The following CYP2U1 variants were observed in gnomAD, a reference collection of about 807,000 sequenced individuals.
CYP2U1 encodes cytochrome P450 2U1.
In CYP2U1, 28 loss-of-function variants were observed where a neutral mutation model predicts 42.8. The observed-to-expected ratio is 0.65, with a 90% CI of 0.48 to 0.90. The LOEUF is 0.90. Among genes scored for constraint, CYP2U1 ranks in the 40% least tolerant of loss-of-function variants. CYP2U1 has a pLI of 0.00. For synonymous variants in CYP2U1, 296 were observed against 278.9 expected, an observed-to-expected ratio of 1.06 and a Z score of -0.61; for missense variants, 642 against 693.8, an observed-to-expected ratio of 0.93 and a Z score of 0.84.
At chr4:107,938,152 C>T (rs1371509226) in intron 1 of CYP2U1, 1 of 152,170 alleles carries the variant, frequency 6.6e-6, no homozygotes, top group Non-Finnish European at 1.5e-5. Context: ...TTTACATAAA[C>T]TCACCTTCTT....
chr4:107,938,381 C>T (rs190585408), intron 1 of CYP2U1: 7 of 152,294 alleles, frequency 4.6e-5, no homozygotes, highest in African/African-American at 1.4e-4. Flanking sequence ...TTGGTATCAC[C>T]GCAGGACACC....
intron 4 of CYP2U1, 26 bp downstream of exon 4, chr4:107,949,543 T>C (rs1314381272): frequency 6.8e-7 from 1 of 1,480,710 alleles, no homozygotes; most frequent in Non-Finnish European, 9.0e-7. Context: ...TTAAACTGCA[T>C]AATTTTTAAA....
chr4:107,952,887 T>C lies in CYP2U1; in HGVS notation c.*2464T>C, dbSNP rs1468090110. ...GAAATATTACTAAGCACTTTCCGTA[T>C]AGATAAATGAAATACAGGCTAATCT... On this transcript the variant is annotated 3_prime_UTR_variant, in exon 5 of 5. Transcript: ENST00000332884. 6.6e-6 allele frequency: 1 copy of C among 152,238 alleles called. No individual in the cohort carries two copies. The allele number at this position is 152,238 out of a possible 1,614,324, so 9.4% of individuals were successfully genotyped here. A position where few individuals can be genotyped will look rare whatever the true frequency, so the allele number is the denominator to read the frequency against.
chr4:107,950,223 T>C, intron 4 of CYP2U1, 22 bp from the exon 5 acceptor site: 1 of 1,579,048 alleles, frequency 6.3e-7, no homozygotes, highest in Non-Finnish European at 8.6e-7. Context: ...AATCCTTCAT[T>C]TTTTTCTGAT....
chr4:107,950,469 T>C lies in CYP2U1; in HGVS notation c.*46T>C, dbSNP rs551591505. ...TGGTAAAAAGATATATAAATACATATCCTTCTAAGCAGATTCTTCCTACTG... is the reference window on the plus strand; with the variant it reads ...TGGTAAAAAGATATATAAATACATACCCTTCTAAGCAGATTCTTCCTACTG... On this transcript the variant is annotated 3_prime_UTR_variant, in exon 5 of 5. Coordinates refer to ENST00000332884, the MANE Select transcript of CYP2U1 (RefSeq NM_183075.3). 1.9e-6 allele frequency: 3 copies of C among 1,545,518 alleles called. No individual in the cohort carries two copies. Among genetic ancestry groups the C allele is most frequent in the Non-Finnish European group, 2.6e-6 (3 of 1,148,678 alleles).
Position 107,950,589 on chromosome 4 carries a change from T to A in CYP2U1, c.*166T>A. ...CACTGGGAGGTTTCATCTTGGAGGA[T>A]TCCTCAGCAGGATACTTCAGCCATT... On this transcript the variant is annotated 3_prime_UTR_variant, in exon 5 of 5. Transcript: ENST00000332884. The A allele has an allele frequency of 1.6e-6, 1 of 615,406 alleles. No homozygotes were observed. Among genetic ancestry groups the A allele is most frequent in the Non-Finnish European group, 2.6e-6 (1 of 387,996 alleles). The allele number at this position is 615,406 out of a possible 1,614,324, so 38.1% of individuals were successfully genotyped here.
In CYP2U1 at chr4:107,934,425, T is replaced by G. The variant is rs568897680; in HGVS notation, c.490+2292T>G. On this transcript the variant is annotated intron_variant, in intron 1 of 4. Transcript: ENST00000332884. ...GTCAGCATCCTCATCCAAGCTACCA[T>G]CATTTATTTATTTTTCTTTTTTTTC... Among the ~76,000 whole-genome samples, 72 of 152,294 alleles carry G rather than the reference T, an allele frequency of 4.7e-4. 1 individual carries two copies. The highest frequency in any genetic ancestry group is 8.4e-4 in the Non-Finnish European group (57 of 68,026).
At position 107,932,001 on chromosome 4, in the gene CYP2U1, T is replaced by A. The variant is rs763896315; in HGVS notation, c.358T>A (p.Phe120Ile). The A allele has an allele frequency of 6.4e-7, 1 of 1,556,014 alleles. No homozygotes were observed. The highest frequency in any genetic ancestry group is 8.7e-7 in the Non-Finnish European group (1 of 1,149,884). The change falls in exon 1 of 5, where the codon TTC becomes ATC. Residue 120 changes from phenylalanine to isoleucine, a missense_variant. Phe to Ile is a conservative substitution (Grantham distance 21). Transcript: ENST00000332884. ...CCGCGTGTACGGCAGCATCTTCAGCTTCTTTATCGGCCACTACCTGGTGGT... is the reference window on the plus strand; with the variant it reads ...CCGCGTGTACGGCAGCATCTTCAGCATCTTTATCGGCCACTACCTGGTGGT... ...LARVYGSIFS[F>I]FIGHYLVVVL...
Position 107,944,839 on chromosome 4 carries a change from C to CATATATATATATATATATATATATAT in CYP2U1, c.491-119_491-118insATATATATATATATATATATATATAT, listed in dbSNP as rs374845038. On this transcript the variant is annotated intron_variant, in intron 1 of 4. Transcript: ENST00000332884. ...TCTTGACTAGTGGTCTTTATATATA[C>CATATATATATATATATATATATATAT]ATATATATATATTTATATGAGGAAT... The CATATATATATATATATATATATATAT allele has an allele frequency of 9.1e-3, 582 of 64,018 alleles. 88 individuals carry two copies. The highest frequency in any genetic ancestry group is 0.065 in the East Asian group (43 of 666). The allele number at this position is 64,018 out of a possible 1,614,324, so 4.0% of individuals were successfully genotyped here. A position where few individuals can be genotyped will look rare whatever the true frequency, so the allele number is the denominator to read the frequency against.
chr4:107,942,274 A>G (rs1733522587), intron 1 of CYP2U1, among the ~76,000 whole-genome samples: 1 of 152,176 alleles, frequency 6.6e-6, no homozygotes, highest in African/African-American at 2.4e-5. Context: ...GTCACCACCT[A>G]TTAGGCTCCT....
chr4:107,945,703 G>A, intron 2 of CYP2U1, 98 bp downstream of exon 2: 1 of 1,429,916 alleles, frequency 7.0e-7, no homozygotes, highest in Non-Finnish European at 9.4e-7. Context: ...ACTGAGCAAT[G>A]TCTTCAGGCT....
chr4:107,934,366 G>A (rs1733173629), intron 1 of CYP2U1, among the ~76,000 whole-genome samples: 1 of 152,154 alleles, frequency 6.6e-6, no homozygotes, highest in Non-Finnish European at 1.5e-5. Context: ...GCAGATATGT[G>A]TGCTACATCC....
At chr4:107,939,326 G>A (rs773021689) in intron 1 of CYP2U1, among the ~76,000 whole-genome samples, 1 of 152,170 alleles carries the variant, frequency 6.6e-6, no homozygotes, top group African/African-American at 2.4e-5. Flanking sequence ...CAGGAGGAAT[G>A]ATTAAACTTT....
intron 1 of CYP2U1, chr4:107,938,996 C>T (rs1173547297): frequency 6.6e-6 from 1 of 151,740 alleles, no homozygotes; most frequent in East Asian, 1.9e-4. Flanking sequence ...AGCCCCATCT[C>T]TACTAAAAAT....
rs770107829 is a variant in CYP2U1, at chr4:107,945,432, T to C, written c.953T>C (p.Ile318Thr). Reference sequence around the variant, plus strand: ...GATAGAGAGAACCCTCAGGACTTCATAGACATGTACCTTCTCCACATGGAA... The same window carrying C: ...GATAGAGAGAACCCTCAGGACTTCACAGACATGTACCTTCTCCACATGGAA... ...SLDRENPQDF[I>T]DMYLLHMEEE... Residue 318 changes from isoleucine (I) to threonine (T), a missense_variant, in exon 2 of 5, where the codon ATA (isoleucine) becomes ACA (threonine). By Grantham distance (89) the Ile-to-Thr change is moderately conservative. Transcript: ENST00000332884. The C allele has an allele frequency of 1.3e-5, 21 of 1,613,984 alleles. No individual in the cohort carries two copies. Among genetic ancestry groups the C allele is most frequent in the Non-Finnish European group, 1.8e-5 (21 of 1,180,022 alleles).
chr4:107,931,669 C>G lies in CYP2U1; in HGVS notation c.26C>G (p.Pro9Arg), dbSNP rs1310484872. The G allele has an allele frequency of 3.2e-6, 4 of 1,262,492 alleles. No homozygotes were observed. The highest frequency in any genetic ancestry group is 3.1e-5 in the South Asian group (1 of 32,404). 78.2% of individuals were successfully genotyped at this position (1,262,492 alleles called of 1,614,324 possible). Residue 9 changes from proline to arginine, a missense_variant, in exon 1 of 5, where the codon CCG becomes CGG. Transcript: ENST00000332884. ...ATGTCGTCTCCGGGGCCGTCGCAGC[C>G]GCCGGCCGAGGACCCGCCCTGGCCC... is the stretch of plus-strand genomic sequence containing the variant. The part of the protein sequence containing the change: MSSPGPSQ[P>R]PAEDPPWPAR...
rs1026493509 is a variant in CYP2U1 at position 107,934,184 on chromosome 4, T to C, written c.490+2051T>C. 1.1e-4 allele frequency among the ~76,000 whole-genome samples: 17 copies of C among 152,144 alleles called. No homozygotes were observed. In the South Asian group the frequency reaches 3.5e-3, roughly 32 times the overall value. On this transcript the variant is annotated intron_variant, in intron 1 of 4. Coordinates refer to ENST00000332884, the MANE Select transcript of CYP2U1 (RefSeq NM_183075.3). Reference sequence around the variant, plus strand: ...CCTCACCAACACTTCTTTTTTTTTTTTTTTTCACACTTGCTTTTAAGATTG... The same window carrying C: ...CCTCACCAACACTTCTTTTTTTTTTCTTTTTCACACTTGCTTTTAAGATTG...
At position 107,952,873 on chromosome 4, in the gene CYP2U1, A is replaced by G. The variant is rs893590208; in HGVS notation, c.*2450A>G. The G allele has an allele frequency of 3.3e-5, 5 of 152,194 alleles. 1 individual carries two copies. Among genetic ancestry groups the G allele is most frequent in the Admixed American group, 3.3e-4 (5 of 15,280 alleles). The allele number at this position is 152,194 out of a possible 1,614,324, so 9.4% of individuals were successfully genotyped here. ...TCTTTTCCTTTTTAGAAATATTACTAAGCACTTTCCGTATAGATAAATGAA... is the reference window on the plus strand; with the variant it reads ...TCTTTTCCTTTTTAGAAATATTACTGAGCACTTTCCGTATAGATAAATGAA... On this transcript the variant is annotated 3_prime_UTR_variant, in exon 5 of 5. Coordinates refer to ENST00000332884, the MANE Select transcript of CYP2U1 (RefSeq NM_183075.3).
At chr4:107,941,837 CAG>C (rs1481576019) in intron 1 of CYP2U1, among the ~76,000 whole-genome samples, 1 of 152,082 alleles carries the variant, frequency 6.6e-6, no homozygotes, top group Non-Finnish European at 1.5e-5. Context: ...CAAATTCTTT[CAG>C]AGACAAAGAC....
Sources: gnomAD v4.1 joint callset for allele counts (sites outside exome capture counted in the v4.1 genomes callset) on GRCh38, gnomAD v4.1.1 for gene constraint, MANE v1.5 for transcripts, NCBI Gene and HGNC (gene_info 2026-07-23, HGNC 2026-07-21) for gene names.